KCNH7: variants seen among roughly 807,000 people sequenced by gnomAD.
KCNH7 encodes the protein potassium voltage-gated channel subfamily H member 7, also known as voltage-gated inwardly rectifying potassium channel KCNH7.
KCNH7 carries 49 observed loss-of-function variants against 120.8 expected under a neutral mutation model. That is an observed-to-expected ratio of 0.41 (90% CI 0.32 to 0.51). KCNH7 has a LOEUF of 0.51. KCNH7 is among the 20% of genes least tolerant of loss of function. The pLI, the probability that KCNH7 is intolerant of heterozygous loss-of-function variation, is 0.38. For synonymous variants in KCNH7, 547 were observed against 516.1 expected (o/e 1.06, Z -0.81); for missense variants, 1,097 against 1,446.6 (o/e 0.76, Z 3.92).
chr2:162,824,431 A>G (rs1332659339), intron 2 of KCNH7, among the ~76,000 whole-genome samples: 1 of 152,048 alleles, frequency 6.6e-6, no homozygotes, highest in African/African-American at 2.4e-5. Flanking sequence ...AAATTCTGAG[A>G]ACAGCAATCT....
chr2:162,518,430 G>GT (rs1238567347), intron 3 of KCNH7, among the ~76,000 whole-genome samples: 2 of 151,772 alleles, frequency 1.3e-5, no homozygotes, highest in Admixed American at 6.6e-5. Flanking sequence ...GAGACTTTTA[G>GT]TTTTAATAAA....
chr2:162,446,019 T>A lies in KCNH7; in HGVS notation c.1553A>T (p.Glu518Val). ...ATAAGAATCTTAAGCAGTTCTTACC[T>A]CATCAGAACCTGATCCAAAAATCAG... Reference protein sequence around the residue: ...DLLIFGSGSDETTTLIGLLKT... With the variant: ...DLLIFGSGSDVTTTLIGLLKT... The change falls in exon 7 of 16, where the codon GAG becomes GTG. Residue 518 changes from glutamate (E) to valine (V), a missense_variant and splice_region_variant. Transcript: ENST00000332142. The A allele has an allele frequency of 6.2e-7, 1 of 1,608,446 alleles. No homozygotes were observed. The highest frequency in any genetic ancestry group is 8.5e-7 in the Non-Finnish European group (1 of 1,176,898).
At chr2:162,800,640 C>T (rs1244312895) in intron 2 of KCNH7, among the ~76,000 whole-genome samples, 3 of 151,822 alleles carry the variant, frequency 2.0e-5, no homozygotes, top group Admixed American at 6.6e-5. Flanking sequence ...TTTAAAAAGG[C>T]ATTATTCAGG....
At chr2:162,632,589 A>C (rs1344141456) in intron 2 of KCNH7, among the ~76,000 whole-genome samples, 1 of 151,912 alleles carries the variant, frequency 6.6e-6, no homozygotes, top group African/African-American at 2.4e-5. Flanking sequence ...GTCTAAAAAG[A>C]GATCAAAATA....
intron 2 of KCNH7, among the ~76,000 whole-genome samples, chr2:162,814,275 T>C (rs569382275): frequency 6.6e-6 from 1 of 152,348 alleles, no homozygotes; most frequent in South Asian, 2.1e-4. Context: ...GAAAACATAA[T>C]AGATGATTCT....
chr2:162,569,055 G>A (rs1378716175), intron 2 of KCNH7, among the ~76,000 whole-genome samples: 1 of 152,044 alleles, frequency 6.6e-6, no homozygotes, highest in Non-Finnish European at 1.5e-5. Flanking sequence ...AAATGAGTTA[G>A]GGAGGATTCC....
At chr2:162,656,912 AG>A (rs1237989724) in intron 2 of KCNH7, among the ~76,000 whole-genome samples, 2 of 152,238 alleles carry the variant, frequency 1.3e-5, no homozygotes, top group Non-Finnish European at 2.9e-5. Flanking sequence ...TGGGCTAAGA[AG>A]GGACCATGGC....
At chr2:162,761,486 A>C (rs1324235246) in intron 2 of KCNH7, among the ~76,000 whole-genome samples, 1 of 152,114 alleles carries the variant, frequency 6.6e-6, no homozygotes, top group East Asian at 1.9e-4. Flanking sequence ...CTAAGAAAAA[A>C]TGTTCCCCAA....
intron 8 of KCNH7, among the ~76,000 whole-genome samples, chr2:162,426,836 C>T (rs934588452): frequency 2.0e-5 from 3 of 152,102 alleles, no homozygotes; most frequent in Non-Finnish European, 4.4e-5. Context: ...TTTCTTCACT[C>T]TAAAAGTCTC....
intron 2 of KCNH7, among the ~76,000 whole-genome samples, chr2:162,727,145 C>T (rs1445165660): frequency 1.3e-5 from 2 of 152,170 alleles, no homozygotes; most frequent in Non-Finnish European, 2.9e-5. Flanking sequence ...ATAATCTACT[C>T]CAAAAGTCCT....
chr2:162,755,784 TACTA>T (rs1412244353), intron 2 of KCNH7, among the ~76,000 whole-genome samples: 2 of 152,144 alleles, frequency 1.3e-5, no homozygotes, highest in Non-Finnish European at 2.9e-5. Flanking sequence ...TGACATGAAA[TACTA>T]ACTATGAGCT....
intron 2 of KCNH7, among the ~76,000 whole-genome samples, chr2:162,574,263 T>A (rs1045119677): frequency 1.3e-5 from 2 of 152,060 alleles, no homozygotes; most frequent in African/African-American, 4.8e-5. Flanking sequence ...TTGGGAGAGC[T>A]TGGGCTGTAC....
At chr2:162,436,333 A>G (rs1224488722) in intron 7 of KCNH7, among the ~76,000 whole-genome samples, 1 of 152,138 alleles carries the variant, frequency 6.6e-6, no homozygotes, top group Admixed American at 6.6e-5. Flanking sequence ...CACTACATTT[A>G]AATGCATTTT....
intron 2 of KCNH7, among the ~76,000 whole-genome samples, chr2:162,650,553 T>A (rs916937248): frequency 1.3e-5 from 2 of 152,154 alleles, no homozygotes; most frequent in Non-Finnish European, 2.9e-5. Flanking sequence ...GATCAAGTCT[T>A]ATTCATTCCT....
chr2:162,503,989 T>C (rs1233658720), intron 6 of KCNH7, among the ~76,000 whole-genome samples: 1 of 151,996 alleles, frequency 6.6e-6, no homozygotes. Context: ...CTCAGACAGC[T>C]CTTTTCCCCA....
intron 2 of KCNH7, among the ~76,000 whole-genome samples, chr2:162,811,937 G>A (rs1322805743): frequency 6.6e-6 from 1 of 152,034 alleles, no homozygotes; most frequent in Non-Finnish European, 1.5e-5. Flanking sequence ...CAAACCATAG[G>A]GTCATGACAG....
At chr2:162,627,130 T>C (rs1683589014) in intron 2 of KCNH7, among the ~76,000 whole-genome samples, 1 of 152,150 alleles carries the variant, frequency 6.6e-6, no homozygotes, top group Non-Finnish European at 1.5e-5. Flanking sequence ...CACATTTTGC[T>C]AGAGGCATTC....
intron 12 of KCNH7, among the ~76,000 whole-genome samples, chr2:162,393,828 T>C (rs1003118980): frequency 2.6e-5 from 4 of 151,970 alleles, no homozygotes; most frequent in Admixed American, 1.3e-4. Flanking sequence ...CTAGGGAAGA[T>C]GAGGGATATT....
chr2:162,719,043 GAC>G, intron 2 of KCNH7, among the ~76,000 whole-genome samples: 1 of 152,118 alleles, frequency 6.6e-6, no homozygotes, highest in South Asian at 2.1e-4. Flanking sequence ...GAAGTTAGGT[GAC>G]ACAAGCTCTT....
Sources: gnomAD v4.1 joint callset for allele counts (sites outside exome capture counted in the v4.1 genomes callset) on GRCh38, gnomAD v4.1.1 for gene constraint, MANE v1.5 for transcripts, NCBI Gene and HGNC (gene_info 2026-07-23, HGNC 2026-07-21) for gene names.